PHF14: variants seen among roughly 807,000 people sequenced by gnomAD.
The protein encoded by PHF14 is PHD finger protein 14.
PHF14 carries 55 observed loss-of-function variants against 117.9 expected under a neutral mutation model. That is an observed-to-expected ratio of 0.47 (90% confidence interval 0.38 to 0.58). PHF14 has a LOEUF of 0.58. PHF14 is among the 20% of genes least tolerant of loss of function. PHF14 has a pLI of 0.00. For synonymous variants in PHF14, 409 were observed against 368.6 expected (o/e 1.11, Z -1.26); for missense variants, 978 against 1,122.2 (o/e 0.87, Z 1.84).
intron 17 of PHF14, among the ~76,000 whole-genome samples, chr7:11,157,517 A>C (rs369384008): frequency 6.6e-6 from 1 of 152,234 alleles, no homozygotes. Context: ...CTTTTTCCCT[A>C]TATAGTAGAC....
At chr7:11,051,061 A>G (rs1784836803) in intron 13 of PHF14, among the ~76,000 whole-genome samples, 1 of 152,132 alleles carries the variant, frequency 6.6e-6, no homozygotes, top group East Asian at 1.9e-4. Flanking sequence ...ATTATTTAAG[A>G]CAGGGTCTTG....
intron 5 of PHF14, 84 bp downstream of exon 5, chr7:11,013,990 C>A: frequency 3.6e-6 from 3 of 831,722 alleles, no homozygotes; most frequent in South Asian, 2.5e-5. Context: ...TTTATGATTA[C>A]ACACTTTCAT....
chr7:11,149,451 T>C (rs1272656601), intron 17 of PHF14, among the ~76,000 whole-genome samples: 2 of 152,170 alleles, frequency 1.3e-5, no homozygotes, highest in Non-Finnish European at 2.9e-5. Context: ...AAAAAATGGA[T>C]GAAATGATTT....
At position 11,107,839 on chromosome 7, in the gene PHF14, G is replaced by A. The variant is rs951892048; in HGVS notation, c.2655-3511G>A. ...TGATAAATTTTGTCCTATATTATGT[G>A]CTGCATGTGTTTCCAAGTTTATGTA... On this transcript the variant is annotated intron_variant, in intron 16 of 17. Coordinates refer to ENST00000634607, the MANE Select transcript of PHF14 (RefSeq NM_001007157.2). 1.7e-5 allele frequency: 10 copies of A among 576,054 alleles called. No individual in the cohort carries two copies. The East Asian group carries it at 4.3e-4, about 25-fold the overall frequency. 35.7% of individuals were successfully genotyped at this position (576,054 alleles called of 1,614,324 possible). A position where few individuals can be genotyped will look rare whatever the true frequency, so the allele number is the denominator to read the frequency against.
rs1435782786 is a variant in PHF14, at chr7:10,974,161, C to A, written c.-163C>A. 6.2e-6 allele frequency: 4 copies of A among 641,152 alleles called. No individual in the cohort carries two copies. The highest frequency in any genetic ancestry group is 1.1e-5 in the Non-Finnish European group (4 of 358,260). The allele number at this position is 641,152 out of a possible 1,614,324, so 39.7% of individuals were successfully genotyped here. A position where few individuals can be genotyped will look rare whatever the true frequency, so the allele number is the denominator to read the frequency against. ...GGGGGGGCGGGGGGTTAGGGGACCG[C>A]GGGGCTACTCTTGGGAGCGCCCCTG... On this transcript the variant is annotated 5_prime_UTR_variant, in exon 1 of 18. Transcript: ENST00000634607.
chr7:11,018,673 A>G (rs759422545), intron 5 of PHF14, among the ~76,000 whole-genome samples: 1 of 152,162 alleles, frequency 6.6e-6, no homozygotes, highest in Non-Finnish European at 1.5e-5. Flanking sequence ...ATACAACATT[A>G]TATTACCTGC....
At chr7:11,159,619 A>G (rs1788965687) in intron 17 of PHF14, among the ~76,000 whole-genome samples, 2 of 152,146 alleles carry the variant, frequency 1.3e-5, no homozygotes, top group African/African-American at 2.4e-5. Context: ...GACTTTATCA[A>G]TGTGGGTATC....
intron 4 of PHF14, among the ~76,000 whole-genome samples, chr7:10,993,628 T>A (rs139719421): frequency 3.6e-4 from 55 of 152,258 alleles, no homozygotes; most frequent in African/African-American, 1.1e-3. Context: ...TGGCCCAGAT[T>A]CTGAAGAAAA....
chr7:11,041,603 C>T (rs543931078), intron 12 of PHF14, among the ~76,000 whole-genome samples: 11 of 151,950 alleles, frequency 7.2e-5, no homozygotes, highest in African/African-American at 2.7e-4. Flanking sequence ...TGGAGGCTCC[C>T]TCTACAAGTA....
intron 17 of PHF14, among the ~76,000 whole-genome samples, chr7:11,131,098 G>A (rs964855623): frequency 1.3e-5 from 2 of 151,796 alleles, no homozygotes; most frequent in South Asian, 4.2e-4. Context: ...CAACAGTCTT[G>A]TTTGTTTCCA....
intron 17 of PHF14, among the ~76,000 whole-genome samples, chr7:11,113,482 A>G (rs1414968999): frequency 1.3e-5 from 2 of 152,178 alleles, no homozygotes; most frequent in Admixed American, 1.3e-4. Flanking sequence ...AATATAAACA[A>G]CTAACATTTT....
chr7:11,048,241 T>C (rs912560847), intron 13 of PHF14, among the ~76,000 whole-genome samples: 6 of 152,170 alleles, frequency 3.9e-5, no homozygotes, highest in African/African-American at 1.4e-4. Flanking sequence ...GGTATGTATT[T>C]GACTTTAGGA....
At chr7:11,139,510 T>C (rs1001479896) in intron 17 of PHF14, among the ~76,000 whole-genome samples, 6 of 152,220 alleles carry the variant, frequency 3.9e-5, no homozygotes, top group Non-Finnish European at 7.4e-5. Flanking sequence ...TGTCACACTT[T>C]GATGAATTTT....
At chr7:11,160,924 T>A (rs935033951) in intron 17 of PHF14, among the ~76,000 whole-genome samples, 1 of 152,096 alleles carries the variant, frequency 6.6e-6, no homozygotes, top group Non-Finnish European at 1.5e-5. Context: ...TTAATTAGGT[T>A]CCATTTGTCA....
At chr7:10,993,497 A>G (rs755766591) in intron 4 of PHF14, among the ~76,000 whole-genome samples, 1 of 152,118 alleles carries the variant, frequency 6.6e-6, no homozygotes, top group Non-Finnish European at 1.5e-5. Context: ...AGTACCTTCT[A>G]TGTGCTTGGT....
chr7:11,075,369 C>G (rs927331761), intron 16 of PHF14, among the ~76,000 whole-genome samples: 2 of 152,122 alleles, frequency 1.3e-5, no homozygotes, highest in Non-Finnish European at 2.9e-5. Flanking sequence ...CACGGATCTG[C>G]CGGCTGTACA....
At chr7:11,117,936 A>G (rs1365363917) in intron 17 of PHF14, among the ~76,000 whole-genome samples, 2 of 151,784 alleles carry the variant, frequency 1.3e-5, no homozygotes, top group African/African-American at 2.4e-5. Flanking sequence ...CTGACATTAG[A>G]TTGAATTTTA....
chr7:10,988,461 CCA>C (rs1782319565), intron 3 of PHF14, among the ~76,000 whole-genome samples: 1 of 151,668 alleles, frequency 6.6e-6, no homozygotes, highest in East Asian at 1.9e-4. Context: ...AGAGAAATTA[CCA>C]CACAGTCCAT....
chr7:11,020,980 G>T (rs1483091072), intron 5 of PHF14, among the ~76,000 whole-genome samples: 1 of 152,100 alleles, frequency 6.6e-6, no homozygotes, highest in Non-Finnish European at 1.5e-5. Context: ...CTGAATGAAG[G>T]AATGAAAATA....
Sources: allele counts gnomAD v4.1 joint callset (sites outside exome capture counted in the v4.1 genomes callset), GRCh38; gene constraint gnomAD v4.1.1; transcripts MANE v1.5; gene names NCBI Gene and HGNC (gene_info 2026-07-23, HGNC 2026-07-21).